ZZEF1: variants seen among roughly 807,000 people sequenced by gnomAD.
ZZEF1 encodes the protein zinc finger ZZ-type and EF-hand domain-containing protein 1.
In ZZEF1, 157 loss-of-function variants were observed where a neutral mutation model predicts 342.8. That is an observed-to-expected ratio of 0.46 (90% confidence interval 0.40 to 0.52). The LOEUF is 0.52. Among genes scored for constraint, ZZEF1 ranks in the 20% least tolerant of loss-of-function variants. The pLI is 0.00. For missense variants in ZZEF1, 3,480 were observed against 3,725.6 expected (o/e 0.93, Z 1.72); for synonymous variants, 1,505 against 1,429.1 (o/e 1.05, Z -1.20).
chr17:4,123,718 T>C (rs1161140959), intron 2 of ZZEF1, among the ~76,000 whole-genome samples, 189 bp downstream of exon 2: 1 of 152,058 alleles, frequency 6.6e-6, no homozygotes, highest in African/African-American at 2.4e-5. Context: ...TATAAAACGG[T>C]AGAACTGCTT....
chr17:4,031,317 A>AAAATAAATAAATAAATAAATAAATAAAT (rs372245182), intron 42 of ZZEF1, among the ~76,000 whole-genome samples: 2 of 143,472 alleles, frequency 1.4e-5, no homozygotes, highest in South Asian at 2.2e-4. Flanking sequence ...CTTGGTCTCA[A>AAAATAAATAAATAAATAAATAAATAAAT]AAATAAATAA....
chr17:4,022,243 C>T (rs931889974), intron 44 of ZZEF1, among the ~76,000 whole-genome samples: 2 of 152,186 alleles, frequency 1.3e-5, no homozygotes, highest in South Asian at 4.1e-4. Flanking sequence ...AAAGTTGGCA[C>T]TGGGCACAGA....
At chr17:4,120,131 G>A (rs2058459522) in intron 2 of ZZEF1, among the ~76,000 whole-genome samples, 1 of 152,092 alleles carries the variant, frequency 6.6e-6, no homozygotes, top group Non-Finnish European at 1.5e-5. Flanking sequence ...GCCAAGGCGG[G>A]CAGATCACGA....
intron 38 of ZZEF1, among the ~76,000 whole-genome samples, chr17:4,043,991 GT>G (rs1159164291): frequency 2.0e-5 from 3 of 152,232 alleles, no homozygotes; most frequent in Non-Finnish European, 2.9e-5. Context: ...CTAGCACTGT[GT>G]TTGGCATATA....
intron 39 of ZZEF1, among the ~76,000 whole-genome samples, chr17:4,034,540 C>A (rs2056619661): frequency 6.6e-6 from 1 of 152,154 alleles, no homozygotes; most frequent in African/African-American, 2.4e-5. Context: ...TCCCCCTCAC[C>A]TTTCAAAATG....
chr17:4,141,459 G>A (rs2058846210), intron 1 of ZZEF1, among the ~76,000 whole-genome samples: 1 of 152,142 alleles, frequency 6.6e-6, no homozygotes, highest in Admixed American at 6.6e-5. Flanking sequence ...CACAAAATAA[G>A]TACCTTTTTG....
intron 44 of ZZEF1, among the ~76,000 whole-genome samples, chr17:4,022,232 G>A (rs1489862662): frequency 6.6e-6 from 1 of 152,162 alleles, no homozygotes; most frequent in Admixed American, 6.5e-5. Context: ...TTCCTGGGCC[G>A]AAAGTTGGCA....
At chr17:4,024,801 A>G in intron 43 of ZZEF1, 118 bp downstream of exon 43, 1 of 1,031,906 alleles carries the variant, frequency 9.7e-7, no homozygotes, top group Non-Finnish European at 1.5e-6. Context: ...TCTAAAAATA[A>G]TCAAGATCCT....
At chr17:4,141,820 GTAAA>G (rs2058856136) in intron 1 of ZZEF1, among the ~76,000 whole-genome samples, 1 of 152,030 alleles carries the variant, frequency 6.6e-6, no homozygotes, top group African/African-American at 2.4e-5. Context: ...GAAGCGCCCA[GTAAA>G]TAAACTCCCA....
intron 15 of ZZEF1, 127 bp from the exon 16 acceptor site, chr17:4,085,930 T>C: frequency 8.1e-7 from 1 of 1,237,162 alleles, no homozygotes; most frequent in Non-Finnish European, 1.1e-6. Context: ...GAAGTATTTC[T>C]GTACAGGCCA....
At position 4,013,593 on chromosome 17, in the gene ZZEF1, A is replaced by G. The variant is rs2056024200; in HGVS notation, c.8435T>C (p.Met2812Thr). ...FQTGFEILKQ[M>T]LSEERVVPHL... The stretch of plus-strand genomic sequence containing the variant: ...AGGCACGACCCTTTCTTCTGACAAC[A>G]TCTGCTTCAAAATCTCGAATCCTGG... Residue 2812 changes from methionine (M) to threonine (T), a missense_variant, in exon 52 of 55, where the codon ATG becomes ACG. Physicochemically the swap from Met to Thr is moderately conservative, Grantham distance 81 (BLOSUM62 -1). This residue lies in a region of ZZEF1 where 1,269 missense variants were observed against 1,342.4 expected (regional missense o/e 0.95). Transcript: ENST00000381638. 6.2e-7 allele frequency: 1 copy of G among 1,612,826 alleles called. No individual in the cohort carries two copies. The highest frequency in any genetic ancestry group is 1.3e-5 in the African/African-American group (1 of 74,902).
Position 4,006,020 on chromosome 17 carries a change from T to C in ZZEF1, c.*870A>G, listed in dbSNP as rs1364303665. On this transcript the variant is annotated 3_prime_UTR_variant, in exon 55 of 55. Transcript: ENST00000381638. ...GACTACCATGACTATCAAGCAGAAA[T>C]AAAATTATGTGGGTTTTTACTCTTA... is the stretch of plus-strand genomic sequence containing the variant. The C allele has an allele frequency of 6.6e-6, 1 of 152,068 alleles. No individual in the cohort carries two copies. Among genetic ancestry groups the C allele is most frequent in the African/African-American group, 2.4e-5 (1 of 41,398 alleles). The allele number at this position is 152,068 out of a possible 1,614,324, so 9.4% of individuals were successfully genotyped here.
chr17:4,041,036 G>A (rs1216374186), intron 39 of ZZEF1, among the ~76,000 whole-genome samples: 1 of 152,146 alleles, frequency 6.6e-6, no homozygotes, highest in Non-Finnish European at 1.5e-5. Flanking sequence ...CAAAGGCTCC[G>A]GCTGATGTGC....
chr17:4,128,979 G>A (rs2058621819), intron 1 of ZZEF1, among the ~76,000 whole-genome samples: 1 of 150,818 alleles, frequency 6.6e-6, no homozygotes, highest in African/African-American at 2.4e-5. Flanking sequence ...ATGTTGGCCA[G>A]GATGGTCTTG....
intron 31 of ZZEF1, 102 bp from the exon 32 acceptor site, chr17:4,058,257 G>A (rs2057209709): frequency 7.8e-7 from 1 of 1,284,736 alleles, no homozygotes; most frequent in South Asian, 1.5e-5. Flanking sequence ...GAAAGCAGAA[G>A]GGAACTTCAC....
intron 6 of ZZEF1, among the ~76,000 whole-genome samples, chr17:4,108,595 C>A (rs1170514816): frequency 6.6e-6 from 1 of 152,178 alleles, no homozygotes; most frequent in Admixed American, 6.5e-5. Context: ...TAGCAATGTA[C>A]ACCAATGTGG....
chr17:4,106,002 T>C (rs994933405), intron 6 of ZZEF1, among the ~76,000 whole-genome samples, 193 bp from the exon 7 acceptor site: 1 of 152,062 alleles, frequency 6.6e-6, no homozygotes, highest in African/African-American at 2.4e-5. Context: ...CAGGCTAGAG[T>C]GCAGTGGTGC....
rs2058896319 is a variant in ZZEF1, at chr17:4,143,001, G to T, written c.-106C>A. On this transcript the variant is annotated 5_prime_UTR_variant, in exon 1 of 55. Coordinates refer to ENST00000381638, the MANE Select transcript of ZZEF1 (RefSeq NM_015113.4). ...TGGCGGGCGGGGACGCGGAGGAGAC[G>T]ACGGCGGCCCCTGCGGCTTCCGGCT... 4.7e-6 allele frequency: 6 copies of T among 1,269,798 alleles called. No homozygotes were observed. The East Asian group carries it at 9.5e-5, about 20-fold the overall frequency. The allele number at this position is 1,269,798 out of a possible 1,614,324, so 78.7% of individuals were successfully genotyped here.
chr17:4,112,792 C>A lies in ZZEF1; in HGVS notation c.883G>T (p.Asp295Tyr). The A allele has an allele frequency of 6.4e-7, 1 of 1,571,200 alleles. No individual in the cohort carries two copies. The highest frequency in any genetic ancestry group is 8.6e-7 in the Non-Finnish European group (1 of 1,157,082). ...ATGGACAGGTGCCTAAGCACAACAT[C>A]TGGCTTCATTTTTAAACTGGAAAAC... is the stretch of plus-strand genomic sequence containing the variant. ...SHWIRLKMKP[D>Y]VVLRHLSIAV... The change falls in exon 5 of 55, where the codon GAT becomes TAT. Residue 295 changes from aspartate (D) to tyrosine (Y), a missense_variant. Transcript: ENST00000381638.
Sources: gnomAD v4.1 joint callset for allele counts (sites outside exome capture counted in the v4.1 genomes callset) on GRCh38, gnomAD v4.1.1 for gene constraint, gnomAD v4.1.1 regional missense constraint, MANE v1.5 for transcripts, NCBI Gene and HGNC (gene_info 2026-07-23, HGNC 2026-07-21) for gene names.